The following ANKRD42 variants were observed in gnomAD, a reference collection of about 807,000 sequenced individuals.
The protein encoded by ANKRD42 is ankyrin repeat domain 42, also known as ankyrin repeat domain-containing protein 42.
Under a neutral mutation model 51.5 loss-of-function variants are expected in ANKRD42, and 43 were observed. The ratio of observed to expected loss-of-function variants is 0.83; its 90% confidence interval spans 0.65 to 1.08. The LOEUF (loss-of-function observed/expected upper bound fraction) is 1.08, where lower values mean the gene tolerates loss of function less well. Ranked by LOEUF, ANKRD42 falls within the 50% of genes least tolerant of loss-of-function variation. ANKRD42 has a pLI of 0.00. For synonymous variants in ANKRD42, 203 were observed against 213.0 expected (o/e 0.95, Z 0.41); for missense variants, 608 against 629.3 (o/e 0.97, Z 0.36).
downstream of ANKRD42, among the ~76,000 whole-genome samples, chr11:83,253,937 T>G (rs1863717613): frequency 6.6e-6 from 1 of 152,108 alleles, no homozygotes; most frequent in African/African-American, 2.4e-5. Flanking sequence ...TTCTAATACA[T>G]AAAAGGTAAA....
rs898820989 is a variant in ANKRD42 at position 83,240,779 on chromosome 11, T to C, written c.1040T>C (p.Val347Ala). 2.5e-6 allele frequency: 4 copies of C among 1,613,886 alleles called. No homozygotes were observed. Among genetic ancestry groups the C allele is most frequent in the Non-Finnish European group, 2.5e-6 (3 of 1,179,978 alleles). ...TACAGGTTTGCCCATTTGGCAGCAG[T>C]GAAGCTGTTAGAGGAGCTACAGAAA... ...VAKRFAHLAA[V>A]KLLEELQKYD... Residue 347 changes from valine (V) to alanine (A), a missense_variant, in exon 9 of 11, where the codon GTG (valine) becomes GCG (alanine). Physicochemically the swap from Val to Ala is moderately conservative, Grantham distance 64 (BLOSUM62 0). Coordinates refer to ENST00000533342, the MANE Select transcript of ANKRD42 (RefSeq NM_001300975.2).
intron 5 of ANKRD42, chr11:83,214,607 C>G (rs1862457499): frequency 2.1e-6 from 2 of 949,680 alleles, no homozygotes; most frequent in South Asian, 4.9e-5. Flanking sequence ...GATAAATGTA[C>G]ATATTTTTGG....
chr11:83,264,014 G>A (rs1375438013), downstream of ANKRD42, among the ~76,000 whole-genome samples: 3 of 152,120 alleles, frequency 2.0e-5, no homozygotes, highest in Admixed American at 1.3e-4. Flanking sequence ...AATCTTAAAT[G>A]TGCATATCTT....
intron 2 of ANKRD42, among the ~76,000 whole-genome samples, chr11:83,200,757 C>T (rs1861837330): frequency 6.6e-6 from 1 of 152,168 alleles, no homozygotes; most frequent in East Asian, 1.9e-4. Context: ...GCTATTTTCT[C>T]TGTAAAACTA....
intron 3 of ANKRD42, chr11:83,209,842 G>T (rs577930013): frequency 6.7e-5 from 35 of 519,454 alleles, no homozygotes; most frequent in African/African-American, 6.0e-4. Context: ...AGTGCTCTGT[G>T]GACCCACAGC....
At chr11:83,196,731 A>G (rs567832578) in intron 1 of ANKRD42, among the ~76,000 whole-genome samples, 1 of 152,300 alleles carries the variant, frequency 6.6e-6, no homozygotes, top group East Asian at 1.9e-4. Flanking sequence ...CTTATGGTAG[A>G]CACCAGACTT....
chr11:83,209,649 CT>C, intron 3 of ANKRD42: 1 of 808,554 alleles, frequency 1.2e-6, no homozygotes, highest in Non-Finnish European at 2.2e-6. Flanking sequence ...AGCTGGCAAG[CT>C]GCTTTTCAGC....
chr11:83,245,372 C>T lies in ANKRD42; in HGVS notation c.1196-126C>T, dbSNP rs1863512185. 3.7e-5 allele frequency: 37 copies of T among 1,000,658 alleles called. No individual in the cohort carries two copies. In the South Asian group the frequency reaches 6.3e-4, roughly 17 times the overall value. 62.0% of individuals were successfully genotyped at this position (1,000,658 alleles called of 1,614,324 possible). A position where few individuals can be genotyped will look rare whatever the true frequency, so the allele number is the denominator to read the frequency against. ...CTTCTTTGTATATACCAACCTTCCTCCACCCCCCTCTCCAAACCATACAGA... is the reference window on the plus strand; with the variant it reads ...CTTCTTTGTATATACCAACCTTCCTTCACCCCCCTCTCCAAACCATACAGA... On this transcript the variant is annotated intron_variant, in intron 9 of 10. Coordinates refer to ENST00000533342, the MANE Select transcript of ANKRD42 (RefSeq NM_001300975.2).
At chr11:83,257,459 C>T, downstream of ANKRD42, 1 of 375,258 alleles carries the variant, frequency 2.7e-6, no homozygotes, top group Non-Finnish European at 5.2e-6. Flanking sequence ...TTTTGGTCAG[C>T]AAAGCACATT....
rs1862176843 is a variant in ANKRD42 at position 83,208,587 on chromosome 11, G to A, written c.331-1713G>A. On this transcript the variant is annotated intron_variant, in intron 3 of 10. Coordinates refer to ENST00000533342, the MANE Select transcript of ANKRD42 (RefSeq NM_001300975.2). ...CCAGAGAGGGTAAAAATAGGTGGTG[G>A]CAGAGGGAAAGAAAGAAAATGAGCC... Among the ~76,000 whole-genome samples, 3 of 152,162 alleles carry A rather than the reference G, an allele frequency of 2.0e-5. No individual in the cohort carries two copies. In the South Asian group the frequency reaches 6.2e-4, roughly 32 times the overall value.
chr11:83,199,902 T>G (rs1590959915), intron 2 of ANKRD42, among the ~76,000 whole-genome samples: 1 of 152,228 alleles, frequency 6.6e-6, no homozygotes, highest in East Asian at 1.9e-4. Context: ...GGATTTTTAC[T>G]TGTGCCTTTC....
chr11:83,202,003 C>G (rs2135483588), intron 2 of ANKRD42, among the ~76,000 whole-genome samples: 1 of 152,256 alleles, frequency 6.6e-6, no homozygotes, highest in South Asian at 2.1e-4. Flanking sequence ...TTAATTAAAT[C>G]CTATTTGTCA....
At chr11:83,221,454 A>C (rs867294154) in intron 5 of ANKRD42, among the ~76,000 whole-genome samples, 1 of 152,166 alleles carries the variant, frequency 6.6e-6, no homozygotes, top group East Asian at 1.9e-4. Context: ...ACGGATGTAC[A>C]TCTATGTCTT....
Position 83,236,330 on chromosome 11 carries a change from A to C in ANKRD42, c.914-74A>C, listed in dbSNP as rs78975179. On this transcript the variant is annotated intron_variant, in intron 7 of 10. Transcript: ENST00000533342. ...AAGTACTCTATAATGGTACTGTCCA[A>C]AATTTTAGAAAATTGTTACTAATAA... 6,360 of 1,328,834 alleles carry C rather than the reference A, an allele frequency of 4.8e-3. 138 individuals carry two copies. In the African/African-American group the frequency reaches 0.061, roughly 13 times the overall value. The allele number at this position is 1,328,834 out of a possible 1,614,324, so 82.3% of individuals were successfully genotyped here. A position where few individuals can be genotyped will look rare whatever the true frequency, so the allele number is the denominator to read the frequency against.
chr11:83,258,302 A>C (rs1029658690), downstream of ANKRD42, among the ~76,000 whole-genome samples: 7 of 152,232 alleles, frequency 4.6e-5, no homozygotes, highest in Non-Finnish European at 5.9e-5. Flanking sequence ...ATATTTATTC[A>C]TAAATCATAT....
intron 8 of ANKRD42, among the ~76,000 whole-genome samples, chr11:83,239,073 A>T (rs1863310458): frequency 6.6e-6 from 1 of 151,966 alleles, no homozygotes; most frequent in Admixed American, 6.5e-5. Flanking sequence ...TCTCACCATC[A>T]TTTGGTATTG....
downstream of ANKRD42, among the ~76,000 whole-genome samples, chr11:83,253,334 C>T (rs1401656624): frequency 2.6e-5 from 4 of 152,164 alleles, no homozygotes; most frequent in Non-Finnish European, 5.9e-5. Context: ...TAAGAAGAGT[C>T]TGTACTGGTA....
In ANKRD42 at chr11:83,239,246, G is replaced by T. The variant is rs142442012; in HGVS notation, c.1020-1513G>T. Among the ~76,000 whole-genome samples, 673 of 151,984 alleles carry T rather than the reference G, an allele frequency of 4.4e-3. 9 individuals are homozygous for T. The highest frequency in any genetic ancestry group is 0.015 in the African/African-American group (630 of 41,488). ...GATGAAGTGATTATTCAGATCTTTT[G>T]CCCACTTTAAAAAATTGAATTGTTT... On this transcript the variant is annotated intron_variant, in intron 8 of 10. Transcript: ENST00000533342.
intron 9 of ANKRD42, 120 bp from the exon 10 acceptor site, chr11:83,245,378 C>G (rs186406533): frequency 1.1e-5 from 12 of 1,066,066 alleles, no homozygotes; most frequent in African/African-American, 4.8e-5. Context: ...TCCTCCACCC[C>G]CCTCTCCAAA....
Sources: allele counts gnomAD v4.1 joint callset (sites outside exome capture counted in the v4.1 genomes callset), GRCh38; gene constraint gnomAD v4.1.1; transcripts MANE v1.5; gene names NCBI Gene and HGNC (gene_info 2026-07-23, HGNC 2026-07-21).